The following ATXN2 variants were observed in gnomAD, a reference collection of about 807,000 sequenced individuals.
ATXN2 encodes ataxin 2, also known as ataxin-2.
In ATXN2, 37 loss-of-function variants were observed where a neutral mutation model predicts 138.6. That is an observed-to-expected ratio of 0.27 (90% CI 0.21 to 0.35). The LOEUF (loss-of-function observed/expected upper bound fraction) is 0.35. Ranked by LOEUF, ATXN2 falls within the 10% of genes least tolerant of loss-of-function variation. The pLI is 1.00. For missense variants in ATXN2, 1,216 were observed against 1,480.3 expected (o/e 0.82, Z 2.93); for synonymous variants, 549 against 543.7 (o/e 1.01, Z -0.13).
chr12:111,525,094 A>C, intron 6 of ATXN2, 98 bp downstream of exon 6: 1 of 1,447,386 alleles, frequency 6.9e-7, no homozygotes, highest in African/African-American at 1.4e-5. Context: ...TACACTCACT[A>C]CAATAACAAC....
At chr12:111,545,950 G>A (rs11065946) in intron 5 of ATXN2, among the ~76,000 whole-genome samples, 9,935 of 145,294 alleles carry the variant, frequency 0.068, 1,226 homozygotes, top group East Asian at 0.57. Flanking sequence ...GGGCAACAGA[G>A]CAAGATCATC....
chr12:111,584,660 T>G (rs988600323), intron 1 of ATXN2, among the ~76,000 whole-genome samples: 2 of 151,856 alleles, frequency 1.3e-5, no homozygotes, highest in African/African-American at 4.8e-5. Flanking sequence ...TGAAACCCCA[T>G]CTCTACTAAA....
intron 1 of ATXN2, chr12:111,564,902 T>G (rs1425784309): frequency 6.6e-6 from 1 of 152,188 alleles, no homozygotes; most frequent in Non-Finnish European, 1.5e-5. Flanking sequence ...CTTTTCTCTT[T>G]TGTAGAGATG....
intron 1 of ATXN2, among the ~76,000 whole-genome samples, chr12:111,576,936 C>T (rs540832072): frequency 2.6e-5 from 4 of 151,846 alleles, no homozygotes; most frequent in East Asian, 2.0e-4. Flanking sequence ...CCAGCCTGGG[C>T]GACAGAGCGA....
In ATXN2 at chr12:111,525,297, A is replaced by T. The variant is rs374615465; in HGVS notation, c.591T>A (p.Ala197=). ...YAKRDAFTDS[A]ISAKVNGEHK... ...GTTCGCCATTCACTTTAGCACTGAT[A>T]GCAGAGTCAGTAAAAGCATCTGCAA... is the stretch of plus-strand genomic sequence containing the variant. The change falls in exon 6 of 25, where the codon GCT becomes GCA. Residue 197 remains alanine (A), a synonymous_variant. Transcript: ENST00000673436. The T allele has an allele frequency of 2.8e-5, 45 of 1,599,004 alleles. No individual in the cohort carries two copies. Among genetic ancestry groups the T allele is most frequent in the African/African-American group, 4.0e-5 (3 of 74,398 alleles).
intron 1 of ATXN2, among the ~76,000 whole-genome samples, chr12:111,561,367 G>A (rs1168806675): frequency 4.0e-5 from 6 of 151,660 alleles, no homozygotes; most frequent in African/African-American, 9.7e-5. Flanking sequence ...GGTGGCAGGC[G>A]CCTATAATCC....
intron 8 of ATXN2, among the ~76,000 whole-genome samples, chr12:111,519,403 G>A (rs1349148167): frequency 6.6e-6 from 1 of 152,100 alleles, no homozygotes; most frequent in Non-Finnish European, 1.5e-5. Flanking sequence ...CTTGTACATG[G>A]CTTTTCATCA....
chr12:111,545,476 G>C (rs1020076448), intron 5 of ATXN2, among the ~76,000 whole-genome samples: 2 of 151,444 alleles, frequency 1.3e-5, no homozygotes, highest in African/African-American at 4.9e-5. Flanking sequence ...GGCACCTATA[G>C]CCCCAGCTAC....
At chr12:111,519,728 A>T in intron 8 of ATXN2, 151 bp downstream of exon 8, 1 of 1,370,992 alleles carries the variant, frequency 7.3e-7, no homozygotes, top group South Asian at 1.5e-5. Flanking sequence ...AGATCACCAT[A>T]ACCTTTTCTC....
chr12:111,573,117 TG>T (rs1394188640), intron 1 of ATXN2, among the ~76,000 whole-genome samples: 1 of 152,022 alleles, frequency 6.6e-6, no homozygotes, highest in Admixed American at 6.6e-5. Flanking sequence ...GACTAAAGCA[TG>T]GTTGATTGAA....
intron 5 of ATXN2, among the ~76,000 whole-genome samples, chr12:111,550,367 C>A (rs1354928074): frequency 6.6e-6 from 1 of 152,178 alleles, no homozygotes; most frequent in Non-Finnish European, 1.5e-5. Context: ...CACTCTTCCA[C>A]ATTTGGGAAA....
rs769328663 is a variant in ATXN2 at position 111,516,252 on chromosome 12, G to C, written c.1277C>G (p.Ser426Cys). ...TCTGGATGGCCGCGAGGGGGGCCTG[G>C]AGGGCGGCCGTGTAGGGGTGGCTGC... ...PRAATPTRPP[S>C]RPPSRPSRPP... Residue 426 changes from serine (S) to cysteine (C), a missense_variant, in exon 10 of 25, where the codon TCC (serine) becomes TGC (cysteine). By Grantham distance (112) the Ser-to-Cys change is moderately radical (BLOSUM62 -1). Transcript: ENST00000673436. The surrounding 1 kb of genome is among the most constrained non-coding windows in gnomAD (Gnocchi z 5.0). The C allele has an allele frequency of 1.3e-6, 2 of 1,568,610 alleles. No individual in the cohort carries two copies. The highest frequency in any genetic ancestry group is 1.7e-6 in the Non-Finnish European group (2 of 1,163,530).
At chr12:111,461,871 G>A (rs1028233109) in intron 21 of ATXN2, among the ~76,000 whole-genome samples, 3 of 150,568 alleles carry the variant, frequency 2.0e-5, no homozygotes, top group African/African-American at 4.9e-5. Context: ...GCAGTGAGCC[G>A]AGATCGCACC....
At position 111,500,333 on chromosome 12, in the gene ATXN2, C is replaced by T. The variant is rs560004590; in HGVS notation, c.1935+9216G>A. ...CAGCAATGTAGATGGCACTGGAGGA[C>T]ATTATGTTAAGTAAAATAAGCCAGG... On this transcript the variant is annotated intron_variant, in intron 14 of 24. Coordinates refer to ENST00000673436, the MANE Select transcript of ATXN2 (RefSeq NM_001372574.1). Among the ~76,000 whole-genome samples, 78 of 152,250 alleles carry T rather than the reference C, an allele frequency of 5.1e-4. 1 individual carries two copies. Among genetic ancestry groups the T allele is most frequent in the African/African-American group, 1.9e-3 (77 of 41,544 alleles).
intron 5 of ATXN2, among the ~76,000 whole-genome samples, chr12:111,527,850 A>G (rs895041644): frequency 6.6e-6 from 1 of 152,248 alleles, no homozygotes; most frequent in Non-Finnish European, 1.5e-5. Context: ...ACTAACCTGA[A>G]TCACGTTCTT....
chr12:111,470,716 C>G lies in ATXN2; in HGVS notation c.2551G>C (p.Asp851His). 1.2e-6 allele frequency: 2 copies of G among 1,614,074 alleles called. No homozygotes were observed. Among genetic ancestry groups the G allele is most frequent in the Non-Finnish European group, 8.5e-7 (1 of 1,180,020 alleles). ...KVPNMPQQRQ[D>H]QHHQSAMMHP... Reference sequence around the variant, plus strand: ...ATCATGGCACTCTGATGATGCTGGTCTTGCCGCTGTTGGGGCATATTTGGT... The same window carrying G: ...ATCATGGCACTCTGATGATGCTGGTGTTGCCGCTGTTGGGGCATATTTGGT... Residue 851 changes from aspartate to histidine, a missense_variant, in exon 19 of 25, where the codon GAC becomes CAC. Coordinates refer to ENST00000673436, the MANE Select transcript of ATXN2 (RefSeq NM_001372574.1).
intron 5 of ATXN2, among the ~76,000 whole-genome samples, chr12:111,548,879 G>A (rs539079129): frequency 5.3e-5 from 8 of 152,236 alleles, no homozygotes; most frequent in Non-Finnish European, 5.9e-5. Flanking sequence ...GTGCCATCAC[G>A]TCCCGCTAAT....
rs557266846 is a variant in ATXN2, at chr12:111,539,163, A to C, written c.571+13117T>G. 2.7e-5 allele frequency among the ~76,000 whole-genome samples: 4 copies of C among 150,266 alleles called. No homozygotes were observed. In the South Asian group the frequency reaches 8.4e-4, roughly 32 times the overall value. Reference sequence around the variant, plus strand: ...AGGAGGAGGAAAAGCTAGCTACCTGAAAGAAATTTGTGCCATCTCAAAATA... The same window carrying C: ...AGGAGGAGGAAAAGCTAGCTACCTGCAAGAAATTTGTGCCATCTCAAAATA... On this transcript the variant is annotated intron_variant, in intron 5 of 24. Coordinates refer to ENST00000673436, the MANE Select transcript of ATXN2 (RefSeq NM_001372574.1).
At chr12:111,456,708 C>T (rs930683533) in intron 22 of ATXN2, among the ~76,000 whole-genome samples, 44 of 152,090 alleles carry the variant, frequency 2.9e-4, no homozygotes, top group African/African-American at 1.0e-3. Flanking sequence ...AGAGCTTATC[C>T]AATCACCTTA....
Sources: gnomAD v4.1 joint callset for allele counts (sites outside exome capture counted in the v4.1 genomes callset) on GRCh38, gnomAD v4.1.1 for gene constraint, Gnocchi (gnomAD v3.1) non-coding constraint, MANE v1.5 for transcripts, NCBI Gene and HGNC (gene_info 2026-07-23, HGNC 2026-07-21) for gene names.